Variants in RPTOR observed in about 807,000 individuals in gnomAD.
The protein encoded by RPTOR is regulatory associated protein of MTOR complex 1.
In RPTOR, 21 loss-of-function variants were observed where a neutral mutation model predicts 169.9. The ratio of observed to expected loss-of-function variants is 0.12; its 90% confidence interval spans 0.09 to 0.18. The LOEUF (loss-of-function observed/expected upper bound fraction) is 0.18. Ranked by LOEUF, RPTOR falls within the 10% of genes least tolerant of loss-of-function variation. The probability of loss-of-function intolerance (pLI) is 1.00; values close to 1 mark genes in which losing one functional copy is unlikely to be tolerated. For missense variants in RPTOR, 1,133 were observed against 1,855.9 expected, an observed-to-expected ratio of 0.61 and a Z score of 7.16; for synonymous variants, 732 against 753.2, an observed-to-expected ratio of 0.97 and a Z score of 0.46.
At chr17:80,611,513 C>T (rs2065270643) in intron 1 of RPTOR, among the ~76,000 whole-genome samples, 1 of 151,986 alleles carries the variant, frequency 6.6e-6, no homozygotes, top group Admixed American at 6.6e-5. Context: ...GTGATTTGCC[C>T]AACTCGGCTT....
chr17:80,681,405 G>A (rs146621073), intron 3 of RPTOR, among the ~76,000 whole-genome samples: 13 of 152,286 alleles, frequency 8.5e-5, no homozygotes, highest in African/African-American at 2.6e-4. Context: ...GAGTGCGTGC[G>A]TGCTGTGTGC....
intron 13 of RPTOR, among the ~76,000 whole-genome samples, chr17:80,869,236 T>C (rs2143792673): frequency 6.6e-6 from 1 of 152,316 alleles, no homozygotes; most frequent in African/African-American, 2.4e-5. Context: ...CTTGGTTCAC[T>C]GCAACCTCCG....
intron 7 of RPTOR, among the ~76,000 whole-genome samples, chr17:80,809,186 G>A (rs770785749): frequency 9.2e-5 from 14 of 152,124 alleles, no homozygotes; most frequent in Non-Finnish European, 7.4e-5. Context: ...CTGCCTTTTC[G>A]GGGTTTTTTT....
At chr17:80,573,181 G>A (rs1283280419) in intron 1 of RPTOR, among the ~76,000 whole-genome samples, 1 of 151,958 alleles carries the variant, frequency 6.6e-6, no homozygotes, top group African/African-American at 2.4e-5. Context: ...TAATTACTAG[G>A]GCTTTATAAA....
At chr17:80,940,783 T>C (rs567313752) in intron 25 of RPTOR, among the ~76,000 whole-genome samples, 182 bp downstream of exon 25, 7 of 152,084 alleles carry the variant, frequency 4.6e-5, no homozygotes, top group Non-Finnish European at 1.0e-4. Context: ...CTGGTGGAGA[T>C]GAAGCTGCTG....
intron 3 of RPTOR, among the ~76,000 whole-genome samples, chr17:80,664,149 C>G (rs2065745637): frequency 6.6e-6 from 1 of 152,182 alleles, no homozygotes; most frequent in South Asian, 2.1e-4. Context: ...TGCAAACCAT[C>G]TTGGCTGTGG....
At position 80,820,931 on chromosome 17, in the gene RPTOR, A is replaced by C. The variant is rs2067372530; in HGVS notation, c.891-1270A>C. On this transcript the variant is annotated intron_variant, in intron 7 of 33. Coordinates refer to ENST00000306801, the MANE Select transcript of RPTOR (RefSeq NM_020761.3). This position sits in a 1 kb window ranked among gnomAD's most constrained non-coding sequence, Gnocchi z 4.1. ...AACTGGTCTCCACTGTGGAGGTCGA[A>C]ATTTTTCTTGAATTTGGAAATCTTT... Among the ~76,000 whole-genome samples, 1 of 152,174 alleles carries C rather than the reference A, an allele frequency of 6.6e-6. No individual in the cohort carries two copies. The highest frequency in any genetic ancestry group is 1.9e-4 in the East Asian group (1 of 5,198).
intron 1 of RPTOR, among the ~76,000 whole-genome samples, chr17:80,597,927 C>T (rs1265161125): frequency 6.6e-6 from 1 of 152,024 alleles, no homozygotes; most frequent in African/African-American, 2.4e-5. Flanking sequence ...ATCCCTTGAG[C>T]CCAGCAGTTC....
rs2067714189 is a variant in RPTOR at position 80,845,165 on chromosome 17, T to A, written c.1213-1308T>A. 6.6e-6 allele frequency among the ~76,000 whole-genome samples: 1 copy of A among 152,010 alleles called. No individual in the cohort carries two copies. Among genetic ancestry groups the A allele is most frequent in the Non-Finnish European group, 1.5e-5 (1 of 67,964 alleles). On this transcript the variant is annotated intron_variant, in intron 10 of 33. Coordinates refer to ENST00000306801, the MANE Select transcript of RPTOR (RefSeq NM_020761.3). The surrounding 1 kb of genome is among the most constrained non-coding windows in gnomAD (Gnocchi z 5.4). ...TCTCCAGCCGCAGGCCCAGCAGCCC[T>A]GCTGCCCACCTGCTCCATGGCACCC...
chr17:80,822,380 G>T, intron 8 of RPTOR, 79 bp downstream of exon 8: 4 of 1,390,176 alleles, frequency 2.9e-6, no homozygotes, highest in Non-Finnish European at 4.1e-6. Context: ...CATGAGAGGA[G>T]TCAGATAGGA....
chr17:80,713,470 G>A (rs12946206), intron 4 of RPTOR, among the ~76,000 whole-genome samples: 1 of 152,048 alleles, frequency 6.6e-6, no homozygotes, highest in African/African-American at 2.4e-5. Flanking sequence ...GATCCTCCAG[G>A]ATGTCCCACA....
intron 25 of RPTOR, among the ~76,000 whole-genome samples, chr17:80,942,820 G>A (rs2069049756): frequency 6.6e-6 from 1 of 152,360 alleles, no homozygotes; most frequent in Middle Eastern, 3.4e-3. Context: ...TCACGACCTT[G>A]GCTGTCACGC....
chr17:80,770,862 CT>C (rs2066835967), intron 6 of RPTOR, among the ~76,000 whole-genome samples: 2 of 152,250 alleles, frequency 1.3e-5, no homozygotes, highest in African/African-American at 4.8e-5. Context: ...CCACCCACCT[CT>C]TTCCTTAAAT....
chr17:80,917,414 A>G (rs748721905), intron 21 of RPTOR, among the ~76,000 whole-genome samples: 6 of 152,146 alleles, frequency 3.9e-5, no homozygotes, highest in Non-Finnish European at 8.8e-5. Flanking sequence ...GCACCCGGCC[A>G]TGGATACATT....
intron 1 of RPTOR, among the ~76,000 whole-genome samples, chr17:80,579,366 A>T (rs1424289488): frequency 6.6e-6 from 1 of 151,930 alleles, no homozygotes; most frequent in Non-Finnish European, 1.5e-5. Context: ...CTAATTTTGT[A>T]TTTTTAGTAG....
chr17:80,553,689 A>G (rs1239777120), intron 1 of RPTOR, among the ~76,000 whole-genome samples: 1 of 152,116 alleles, frequency 6.6e-6, no homozygotes, highest in Non-Finnish European at 1.5e-5. Context: ...TCAATGTTAG[A>G]CCAGTGGATT....
chr17:80,932,443 A>G (rs1463016556), intron 24 of RPTOR, among the ~76,000 whole-genome samples: 2 of 152,318 alleles, frequency 1.3e-5, no homozygotes, highest in East Asian at 3.9e-4. Flanking sequence ...GGCAACCCAG[A>G]TGTTGGAACT....
At chr17:80,930,434 TCCC>T (rs1567993864) in intron 24 of RPTOR, among the ~76,000 whole-genome samples, 12 of 6,084 alleles carry the variant, frequency 2.0e-3, no homozygotes, top group East Asian at 9.4e-3. Flanking sequence ...CTCATCCTCA[TCCC>T]CAGCTCATCC....
At chr17:80,937,823 C>T (rs902123377) in intron 24 of RPTOR, among the ~76,000 whole-genome samples, 5 of 152,272 alleles carry the variant, frequency 3.3e-5, no homozygotes, top group Non-Finnish European at 5.9e-5. Flanking sequence ...TCTTCCACGG[C>T]ATCTCTGCCT....
Sources: gnomAD v4.1 joint callset for allele counts (sites outside exome capture counted in the v4.1 genomes callset) on GRCh38, gnomAD v4.1.1 for gene constraint, Gnocchi (gnomAD v3.1) non-coding constraint, MANE v1.5 for transcripts, NCBI Gene and HGNC (gene_info 2026-07-23, HGNC 2026-07-21) for gene names.